OR2L13: variants seen among roughly 807,000 people sequenced by gnomAD.
OR2L13 encodes the protein olfactory receptor family 2 subfamily L member 13, also known as olfactory receptor 2L13.
Under a neutral mutation model 15.3 loss-of-function variants are expected in OR2L13, and 14 were observed. The observed-to-expected ratio is 0.91, with a 90% CI of 0.60 to 1.43. The LOEUF is 1.43. Ranked by LOEUF, OR2L13 falls within the 40% of genes most tolerant of loss-of-function variation. The pLI is 0.00. For missense variants in OR2L13, 367 were observed against 387.9 expected, an observed-to-expected ratio of 0.95 and a Z score of 0.45; for synonymous variants, 152 against 142.9, an observed-to-expected ratio of 1.06 and a Z score of -0.45.
At chr1:248,032,126 A>G in the OR2L13 span, among the ~76,000 whole-genome samples, 2 of 152,238 alleles carry the variant, frequency 1.3e-5, no homozygotes, top group East Asian at 3.9e-4. Context: ...TCCAAATGAC[A>G]TGTATAAAAA....
At chr1:248,025,153 G>A in the OR2L13 span, among the ~76,000 whole-genome samples, 17 of 147,688 alleles carry the variant, frequency 1.2e-4, 1 homozygote, top group Middle Eastern at 0.014. Context: ...CCATCAGAGT[G>A]AACAGGCAAC....
chr1:248,079,599 G>T, the OR2L13 span, among the ~76,000 whole-genome samples: 1 of 152,008 alleles, frequency 6.6e-6, no homozygotes, highest in African/African-American at 2.4e-5. Context: ...GTATCTGTTC[G>T]GTAATAGAAA....
the OR2L13 span, chr1:247,948,981 C>T: frequency 1.2e-6 from 2 of 1,613,888 alleles, no homozygotes; most frequent in Non-Finnish European, 1.7e-6. Context: ...AATTGGAAAC[C>T]TGTCCATGAT....
the OR2L13 span, among the ~76,000 whole-genome samples, chr1:247,992,769 A>G: frequency 6.6e-6 from 1 of 152,064 alleles, no homozygotes; most frequent in Non-Finnish European, 1.5e-5. Context: ...TCTTATTCCA[A>G]TTCACTATTG....
the OR2L13 span, chr1:248,004,053 G>T: frequency 6.2e-7 from 1 of 1,609,598 alleles, no homozygotes; most frequent in Non-Finnish European, 8.5e-7. Context: ...CAGAGAATCT[G>T]CTCTGTGAAA....
the OR2L13 span, among the ~76,000 whole-genome samples, chr1:247,985,121 C>T: frequency 2.0e-5 from 3 of 152,018 alleles, no homozygotes; most frequent in Non-Finnish European, 4.4e-5. Context: ...TTTTTTAATA[C>T]TTTAAGTTCT....
the OR2L13 span, among the ~76,000 whole-genome samples, chr1:247,989,904 C>A: frequency 3.3e-5 from 5 of 152,082 alleles, no homozygotes; most frequent in African/African-American, 1.2e-4. Context: ...TTTATCTCAT[C>A]ACGTAGACAT....
chr1:248,069,065 G>A, the OR2L13 span, among the ~76,000 whole-genome samples: 1 of 152,198 alleles, frequency 6.6e-6, no homozygotes, highest in East Asian at 1.9e-4. Flanking sequence ...ATATTATCCA[G>A]GAGAACTTCC....
At chr1:248,067,642 C>T in the OR2L13 span, among the ~76,000 whole-genome samples, 3 of 152,156 alleles carry the variant, frequency 2.0e-5, no homozygotes, top group Non-Finnish European at 4.4e-5. Flanking sequence ...AGACAGTGGG[C>T]ACAGGACAGT....
At chr1:248,061,191 C>T in the OR2L13 span, 1 of 1,612,326 alleles carries the variant, frequency 6.2e-7, no homozygotes. Context: ...ATTGCCAATC[C>T]AGGGCCATCA....
the OR2L13 span, chr1:248,004,008 A>T: frequency 1.2e-6 from 2 of 1,613,792 alleles, no homozygotes; most frequent in African/African-American, 2.7e-5. Context: ...AGCCTGAGGA[A>T]CAAGGAGGTG....
exon 3 of OR2L13, chr1:248,100,219 C>T (rs770628856): frequency 8.7e-6 from 14 of 1,613,380 alleles, no homozygotes; most frequent in East Asian, 2.2e-5. Flanking sequence ...CATCCTTACC[C>T]CCATGCTCAA....
chr1:248,054,565 A>G, the OR2L13 span, among the ~76,000 whole-genome samples: 7 of 152,220 alleles, frequency 4.6e-5, no homozygotes, highest in Admixed American at 2.6e-4. Flanking sequence ...GATTCTTCCT[A>G]TCCATGAGTA....
chr1:248,071,129 G>C, the OR2L13 span, among the ~76,000 whole-genome samples: 1 of 152,140 alleles, frequency 6.6e-6, no homozygotes, highest in African/African-American at 2.4e-5. Flanking sequence ...CATTTTATGA[G>C]GCCAACATCA....
the OR2L13 span, among the ~76,000 whole-genome samples, chr1:248,031,976 A>T: frequency 6.6e-6 from 1 of 152,278 alleles, no homozygotes; most frequent in South Asian, 2.1e-4. Context: ...ACTGCCCTAT[A>T]TAAAATACAA....
chr1:248,006,194 A>G, the OR2L13 span, among the ~76,000 whole-genome samples: 5 of 151,504 alleles, frequency 3.3e-5, no homozygotes, highest in Non-Finnish European at 7.4e-5. Context: ...GCCCAGTCAT[A>G]CCCCAGCCAC....
At chr1:248,008,160 G>A in the OR2L13 span, among the ~76,000 whole-genome samples, 53 of 152,190 alleles carry the variant, frequency 3.5e-4, no homozygotes, top group Middle Eastern at 3.4e-3. Context: ...TACAACCAGA[G>A]CCTGGGAATT....
At chr1:248,036,984 G>A in the OR2L13 span, among the ~76,000 whole-genome samples, 46 of 152,208 alleles carry the variant, frequency 3.0e-4, no homozygotes, top group African/African-American at 8.9e-4. Context: ...CATCGTATAC[G>A]GGGAGAGCTT....
the OR2L13 span, among the ~76,000 whole-genome samples, chr1:248,086,401 A>G: frequency 2.0e-5 from 3 of 152,212 alleles, no homozygotes; most frequent in Admixed American, 1.3e-4. Flanking sequence ...TTCAAATGTA[A>G]CAAAAATAAA....
Sources: allele counts gnomAD v4.1 joint callset (sites outside exome capture counted in the v4.1 genomes callset), GRCh38; gene constraint gnomAD v4.1.1; transcripts MANE v1.5; gene names NCBI Gene and HGNC (gene_info 2026-07-23, HGNC 2026-07-21).